The following CSMD1 variants were observed in gnomAD, a reference collection of about 807,000 sequenced individuals.
The protein encoded by CSMD1 is CUB and sushi domain-containing protein 1.
In CSMD1, 213 loss-of-function variants were observed where a neutral mutation model predicts 417.5. The observed-to-expected ratio is 0.51, with a 90% CI of 0.46 to 0.57. CSMD1 has a LOEUF of 0.57. CSMD1 is among the 20% of genes least tolerant of loss of function. The probability of loss-of-function intolerance (pLI) is 0.00; values close to 1 mark genes in which losing one functional copy is unlikely to be tolerated. For missense variants in CSMD1, 6,923 were observed against 4,529.7 expected (o/e 1.53, Z -15.17); for synonymous variants, 2,862 against 1,736.8 (o/e 1.65, Z -16.11).
At chr8:4,007,155 T>C (rs1816191590) in intron 4 of CSMD1, among the ~76,000 whole-genome samples, 1 of 152,130 alleles carries the variant, frequency 6.6e-6, no homozygotes, top group African/African-American at 2.4e-5. Context: ...TTACTATTTC[T>C]CAGTGAAATC....
At chr8:4,403,499 T>C (rs1445596494) in intron 3 of CSMD1, among the ~76,000 whole-genome samples, 1 of 152,082 alleles carries the variant, frequency 6.6e-6, no homozygotes, top group African/African-American at 2.4e-5. Flanking sequence ...CAGTGAAAAA[T>C]CACCTCTCCT....
intron 6 of CSMD1, among the ~76,000 whole-genome samples, chr8:3,747,238 A>G (rs1345570502): frequency 6.6e-6 from 1 of 152,148 alleles, no homozygotes; most frequent in Non-Finnish European, 1.5e-5. Flanking sequence ...ATGAGAGTTG[A>G]AGCTTCTTTC....
intron 26 of CSMD1, among the ~76,000 whole-genome samples, chr8:3,258,199 T>A (rs942236727): frequency 1.1e-4 from 16 of 152,096 alleles, no homozygotes; most frequent in African/African-American, 3.6e-4. Flanking sequence ...AAAATATGCA[T>A]CTGAAAAATG....
At chr8:2,996,993 G>C (rs1806953120) in intron 54 of CSMD1, among the ~76,000 whole-genome samples, 1 of 152,198 alleles carries the variant, frequency 6.6e-6, no homozygotes, top group Non-Finnish European at 1.5e-5. Flanking sequence ...AATGTCCCTG[G>C]GCTTCTTAAG....
chr8:3,641,024 C>CTG (rs1491242314), intron 7 of CSMD1, among the ~76,000 whole-genome samples: 8 of 102,718 alleles, frequency 7.8e-5, no homozygotes, highest in African/African-American at 3.1e-4. Flanking sequence ...TCCTTTTTTC[C>CTG]TTTTTTTTTT....
chr8:3,483,248 G>A (rs1490615446), intron 11 of CSMD1, among the ~76,000 whole-genome samples: 2 of 152,006 alleles, frequency 1.3e-5, no homozygotes, highest in East Asian at 1.9e-4. Context: ...AAAAGAGAAA[G>A]GGAGAGAGAG....
chr8:4,432,035 A>AAGGAGATTTGGTAGTGCTC (rs1797897765), intron 2 of CSMD1, among the ~76,000 whole-genome samples: 1 of 152,202 alleles, frequency 6.6e-6, no homozygotes, highest in Non-Finnish European at 1.5e-5. Flanking sequence ...AAAAATGTGT[A>AAGGAGATTTGGTAGTGCTC]AGGAGATTTG....
chr8:4,738,262 G>T (rs1027138735), intron 1 of CSMD1, among the ~76,000 whole-genome samples: 1 of 152,106 alleles, frequency 6.6e-6, no homozygotes, highest in Non-Finnish European at 1.5e-5. Context: ...TCATTTTCAC[G>T]CTGCTATAAA....
At chr8:3,634,646 G>C (rs1365332759) in intron 7 of CSMD1, among the ~76,000 whole-genome samples, 2 of 152,098 alleles carry the variant, frequency 1.3e-5, no homozygotes, top group Admixed American at 1.3e-4. Flanking sequence ...CTCGAGAGTG[G>C]TACTGGGGAC....
intron 51 of CSMD1, among the ~76,000 whole-genome samples, chr8:3,023,586 G>T (rs1480341347): frequency 6.6e-6 from 1 of 152,076 alleles, no homozygotes; most frequent in East Asian, 1.9e-4. Flanking sequence ...CATTCATGGA[G>T]ACCTGAGTTT....
intron 15 of CSMD1, among the ~76,000 whole-genome samples, chr8:3,400,760 T>C (rs1010008703): frequency 6.6e-6 from 1 of 151,660 alleles, no homozygotes; most frequent in Non-Finnish European, 1.5e-5. Flanking sequence ...AACATGTTAA[T>C]AATGGATAGC....
intron 3 of CSMD1, among the ~76,000 whole-genome samples, chr8:4,281,725 C>T (rs537862386): frequency 1.3e-5 from 2 of 151,984 alleles, no homozygotes; most frequent in Non-Finnish European, 2.9e-5. Flanking sequence ...AAACATTAAA[C>T]GGAATCAATG....
intron 6 of CSMD1, among the ~76,000 whole-genome samples, chr8:3,709,917 AC>A (rs1319589094): frequency 2.3e-5 from 1 of 42,598 alleles, no homozygotes; most frequent in Admixed American, 3.3e-4. Flanking sequence ...TATACAGGAG[AC>A]CCCTGAAGCA....
At chr8:3,318,507 A>C (rs1169604469) in intron 23 of CSMD1, among the ~76,000 whole-genome samples, 1 of 151,988 alleles carries the variant, frequency 6.6e-6, no homozygotes. Context: ...TAACATATAA[A>C]AGTTAACATA....
At chr8:4,494,695 C>G (rs978633607) in intron 2 of CSMD1, among the ~76,000 whole-genome samples, 1 of 151,992 alleles carries the variant, frequency 6.6e-6, no homozygotes, top group African/African-American at 2.4e-5. Flanking sequence ...AAAAAAGAAG[C>G]CTTTGAATTC....
At chr8:4,047,486 G>A (rs893713367) in intron 3 of CSMD1, among the ~76,000 whole-genome samples, 1 of 152,052 alleles carries the variant, frequency 6.6e-6, no homozygotes, top group Non-Finnish European at 1.5e-5. Flanking sequence ...ATTAGTGGTA[G>A]CGTAAATGCA....
intron 12 of CSMD1, among the ~76,000 whole-genome samples, chr8:3,455,674 T>C (rs1166036209): frequency 6.6e-6 from 1 of 152,124 alleles, no homozygotes; most frequent in African/African-American, 2.4e-5. Context: ...CCTCTGGAAA[T>C]TTTGTCTCAG....
At chr8:4,336,403 C>G (rs752518212) in intron 3 of CSMD1, among the ~76,000 whole-genome samples, 25 of 152,124 alleles carry the variant, frequency 1.6e-4, no homozygotes, top group Non-Finnish European at 3.1e-4. Flanking sequence ...CATGGCCACT[C>G]CTGATGGAAT....
intron 5 of CSMD1, among the ~76,000 whole-genome samples, chr8:3,951,242 A>AC (rs1811575605): frequency 6.6e-6 from 1 of 152,162 alleles, no homozygotes; most frequent in Admixed American, 6.5e-5. Flanking sequence ...CACGGGTCTG[A>AC]CGGTGACTGA....
Sources: allele counts gnomAD v4.1 joint callset (sites outside exome capture counted in the v4.1 genomes callset), GRCh38; gene constraint gnomAD v4.1.1; transcripts MANE v1.5; gene names NCBI Gene and HGNC (gene_info 2026-07-23, HGNC 2026-07-21).